PAIP2B: variants seen among roughly 807,000 people sequenced by gnomAD.
PAIP2B encodes the protein poly(A) binding protein interacting protein 2B.
PAIP2B carries 13 observed loss-of-function variants against 17.0 expected under a neutral mutation model. That is an observed-to-expected ratio of 0.76 (90% CI 0.50 to 1.22). The LOEUF is 1.22. PAIP2B is among the 50% of genes most tolerant of loss of function. PAIP2B has a pLI of 0.00. For missense variants in PAIP2B, 117 were observed against 144.5 expected (o/e 0.81, Z 0.98); for synonymous variants, 43 against 48.7 (o/e 0.88, Z 0.48).
chr2:71,205,944 C>G (rs1403789658), intron 1 of PAIP2B, among the ~76,000 whole-genome samples: 1 of 152,062 alleles, frequency 6.6e-6, no homozygotes, highest in Non-Finnish European at 1.5e-5. Context: ...CATTTTCCTC[C>G]CAGTCAAGCC....
intron 3 of PAIP2B, among the ~76,000 whole-genome samples, chr2:71,189,005 T>C (rs1183163538): frequency 5.3e-5 from 4 of 76,176 alleles, no homozygotes; most frequent in Admixed American, 1.1e-4. Flanking sequence ...GCTCACAGAC[T>C]TTTTTTTTTT....
Position 71,188,297 on chromosome 2 carries a change from C to T in PAIP2B, c.*182G>A. 1 of 563,438 alleles carries T rather than the reference C, an allele frequency of 1.8e-6. No individual in the cohort carries two copies. Among genetic ancestry groups the T allele is most frequent in the Non-Finnish European group, 3.1e-6 (1 of 318,510 alleles). The allele number at this position is 563,438 out of a possible 1,614,324, so 34.9% of individuals were successfully genotyped here. A position where few individuals can be genotyped will look rare whatever the true frequency, so the allele number is the denominator to read the frequency against. On this transcript the variant is annotated 3_prime_UTR_variant, in exon 4 of 4. Coordinates refer to ENST00000244221, the MANE Select transcript of PAIP2B (RefSeq NM_020459.1). ...AAGTCAGCAGAACAAAATAGAAATA[C>T]TCAGAGGCTTAGAATAAGACTGAGC...
chr2:71,202,526 T>C lies in PAIP2B; in HGVS notation c.64A>G (p.Ser22Gly). The C allele has an allele frequency of 6.2e-7, 1 of 1,613,888 alleles. No homozygotes were observed. Among genetic ancestry groups the C allele is most frequent in the Non-Finnish European group, 8.5e-7 (1 of 1,179,770 alleles). The change falls in exon 2 of 4, where the codon AGT becomes GGT. Residue 22 changes from serine to glycine, a missense_variant. Ser to Gly is a moderately conservative substitution (Grantham distance 56, BLOSUM62 0). Transcript: ENST00000244221. The part of the protein sequence containing the change: ...SVKSKEDQGL[S>G]GHDEKENPFA... The stretch of plus-strand genomic sequence containing the variant: ...GGGTTTTCCTTTTCATCGTGCCCAC[T>C]TAACCCCTGGTCCTCTTTGGATTTT...
At chr2:71,220,219 G>T (rs757095996) in intron 1 of PAIP2B, among the ~76,000 whole-genome samples, 1 of 152,162 alleles carries the variant, frequency 6.6e-6, no homozygotes, top group Non-Finnish European at 1.5e-5. Context: ...TGGTCACTAG[G>T]CTGAAATATT....
intron 1 of PAIP2B, among the ~76,000 whole-genome samples, chr2:71,219,575 C>T (rs1335303879): frequency 6.6e-6 from 1 of 152,188 alleles, no homozygotes; most frequent in Non-Finnish European, 1.5e-5. Flanking sequence ...TGGGGCTACT[C>T]TTCCAATTTT....
intron 1 of PAIP2B, among the ~76,000 whole-genome samples, chr2:71,223,323 G>A (rs113903407): frequency 0.096 from 14,561 of 152,162 alleles, 769 homozygotes; most frequent in Non-Finnish European, 0.12. Context: ...GAGGCAGGAG[G>A]ATTGCTTGAC....
intron 2 of PAIP2B, among the ~76,000 whole-genome samples, chr2:71,193,868 G>C (rs908632816): frequency 6.6e-6 from 1 of 151,946 alleles, no homozygotes; most frequent in Non-Finnish European, 1.5e-5. Flanking sequence ...TTTTACATTT[G>C]TCTTTAATCC....
chr2:71,189,911 C>T lies in PAIP2B; in HGVS notation c.249G>A (p.Met83Ile), dbSNP rs1170464810. 6.3e-7 allele frequency: 1 copy of T among 1,589,590 alleles called. No individual in the cohort carries two copies. Among genetic ancestry groups the T allele is most frequent in the East Asian group, 2.3e-5 (1 of 43,944 alleles). Residue 83 changes from methionine to isoleucine, a missense_variant, in exon 3 of 4, where the codon ATG becomes ATA. Transcript: ENST00000244221. ...FIPSRDLPQAMGQLQQQLNGL... is the reference protein window; with the variant it reads ...FIPSRDLPQAIGQLQQQLNGL... ...CATTTAACTGCTGTTGCAACTGTCC[C>T]ATGGCCTGAGGCAGGTCTCGTGAGG...
In PAIP2B at chr2:71,188,369, T is replaced by A. The variant is rs1304837071; in HGVS notation, c.*110A>T. The A allele has an allele frequency of 9.8e-5, 80 of 819,480 alleles. No individual in the cohort carries two copies. The Admixed American group carries it at 1.7e-3, about 18-fold the overall frequency. 50.8% of individuals were successfully genotyped at this position (819,480 alleles called of 1,614,324 possible). On this transcript the variant is annotated 3_prime_UTR_variant, in exon 4 of 4. Transcript: ENST00000244221. ...AGTATTGTGAGACCACCACTCCCCT[T>A]CCCGCTGTGCACCCCTCGCCCGCCC...
chr2:71,189,933 G>A lies in PAIP2B; in HGVS notation c.227C>T (p.Ser76Leu), dbSNP rs1472632762. Reference protein sequence around the residue: ...DEEDQDWFIPSRDLPQAMGQL... With the variant: ...DEEDQDWFIPLRDLPQAMGQL... The stretch of plus-strand genomic sequence containing the variant: ...TCCCATGGCCTGAGGCAGGTCTCGT[G>A]AGGGAATAAACCAGTCTTGGTCTTC... The change falls in exon 3 of 4, where the codon TCA becomes TTA. Residue 76 changes from serine (S) to leucine (L), a missense_variant. Ser to Leu is a moderately radical substitution (Grantham distance 145, BLOSUM62 -2). Coordinates refer to ENST00000244221, the MANE Select transcript of PAIP2B (RefSeq NM_020459.1). 1 of 1,606,268 alleles carries A rather than the reference G, an allele frequency of 6.2e-7. No homozygotes were observed. Among genetic ancestry groups the A allele is most frequent in the African/African-American group, 1.3e-5 (1 of 74,780 alleles).
intron 1 of PAIP2B, among the ~76,000 whole-genome samples, chr2:71,210,425 CAAAT>C (rs952824806): frequency 6.6e-6 from 1 of 152,134 alleles, no homozygotes; most frequent in African/African-American, 2.4e-5. Context: ...TAACAGAAAA[CAAAT>C]AAGTAGTCAT....
At chr2:71,220,606 T>C (rs1421864146) in intron 1 of PAIP2B, among the ~76,000 whole-genome samples, 1 of 152,232 alleles carries the variant, frequency 6.6e-6, no homozygotes, top group Non-Finnish European at 1.5e-5. Context: ...GTCTGTCCTA[T>C]ATTTGTATAG....
chr2:71,198,177 T>C (rs2103772684), intron 2 of PAIP2B, among the ~76,000 whole-genome samples: 1 of 152,290 alleles, frequency 6.6e-6, no homozygotes, highest in African/African-American at 2.4e-5. Flanking sequence ...TAGAGTGCAG[T>C]GATGTGATCT....
rs1164717056 is a variant in PAIP2B at position 71,186,668 on chromosome 2, T to C, written c.*1811A>G. The C allele has an allele frequency of 6.6e-6, 1 of 152,216 alleles. No homozygotes were observed. The highest frequency in any genetic ancestry group is 1.9e-4 in the East Asian group (1 of 5,196). The allele number at this position is 152,216 out of a possible 1,614,324, so 9.4% of individuals were successfully genotyped here. On this transcript the variant is annotated 3_prime_UTR_variant, in exon 4 of 4. Transcript: ENST00000244221. ...AAACAACCCAGCTGAAAGCTGAAGC[T>C]TGAATAAAGAAGTTTCTTTATTCAT...
rs1674435342 is a variant in PAIP2B, at chr2:71,182,878, A to C, written c.*5601T>G. On this transcript the variant is annotated 3_prime_UTR_variant, in exon 4 of 4. Coordinates refer to ENST00000244221, the MANE Select transcript of PAIP2B (RefSeq NM_020459.1). ...TTTTAAAGCCCTGTCCCTCCCCCAA[A>C]GAAGGATTAATAACTACCAAGTAAT... 7.4e-6 allele frequency: 1 copy of C among 135,076 alleles called. No homozygotes were observed. The highest frequency in any genetic ancestry group is 2.9e-5 in the African/African-American group (1 of 35,046). 8.4% of individuals were successfully genotyped at this position (135,076 alleles called of 1,614,324 possible). A position where few individuals can be genotyped will look rare whatever the true frequency, so the allele number is the denominator to read the frequency against.
At chr2:71,210,883 A>G (rs142867291) in intron 1 of PAIP2B, among the ~76,000 whole-genome samples, 28 of 152,376 alleles carry the variant, frequency 1.8e-4, no homozygotes, top group Non-Finnish European at 2.6e-4. Context: ...GAACTTAATT[A>G]CAGCAACAGT....
intron 2 of PAIP2B, among the ~76,000 whole-genome samples, chr2:71,192,262 A>T (rs1255144103): frequency 7.3e-4 from 104 of 142,234 alleles, no homozygotes; most frequent in Non-Finnish European, 9.8e-4. Flanking sequence ...TAGATACTGC[A>T]TTTTTTTTTT....
In PAIP2B at chr2:71,188,183, C is replaced by T. The variant is rs1302949069; in HGVS notation, c.*296G>A. On this transcript the variant is annotated 3_prime_UTR_variant, in exon 4 of 4. Transcript: ENST00000244221. ...GCTTATTTTGTTTAAATACACACCG[C>T]GGAACACTTCTGATGAAGGGGGGAA... The T allele has an allele frequency of 9.8e-6, 4 of 408,702 alleles. No homozygotes were observed. The East Asian group carries it at 1.4e-4, about 14-fold the overall frequency. The allele number at this position is 408,702 out of a possible 1,614,324, so 25.3% of individuals were successfully genotyped here.
intron 2 of PAIP2B, among the ~76,000 whole-genome samples, chr2:71,198,241 T>C (rs557537956): frequency 1.5e-4 from 18 of 120,542 alleles, no homozygotes; most frequent in African/African-American, 5.9e-4. Flanking sequence ...TGCCTCAGCC[T>C]CCCGAGTAGC....
Sources: allele counts gnomAD v4.1 joint callset (sites outside exome capture counted in the v4.1 genomes callset), GRCh38; gene constraint gnomAD v4.1.1; transcripts MANE v1.5; gene names NCBI Gene and HGNC (gene_info 2026-07-23, HGNC 2026-07-21).